The following PCSK6 variants were observed in gnomAD, a reference collection of about 807,000 sequenced individuals.
PCSK6 encodes the protein proprotein convertase subtilisin/kexin type 6, also known as paired basic amino acid cleaving enzyme 4.
In PCSK6, 85 loss-of-function variants were observed where a neutral mutation model predicts 123.3. The ratio of observed to expected loss-of-function variants is 0.69; its 90% CI spans 0.58 to 0.83. PCSK6 has a LOEUF of 0.83. Among genes scored for constraint, PCSK6 ranks in the 40% least tolerant of loss-of-function variants. The pLI is 0.00. For synonymous variants in PCSK6, 508 were observed against 516.0 expected, an observed-to-expected ratio of 0.98 and a Z score of 0.21; for missense variants, 1,191 against 1,282.3, an observed-to-expected ratio of 0.93 and a Z score of 1.09.
At position 101,318,311 on chromosome 15, in the gene PCSK6, G is replaced by A. The variant is rs758772004; in HGVS notation, c.2569+8C>T. 8 of 1,549,390 alleles carry A rather than the reference G, an allele frequency of 5.2e-6. No homozygotes were observed. In the Admixed American group the frequency reaches 1.2e-4, roughly 23 times the overall value. On this transcript the variant is annotated splice_region_variant and intron_variant, in intron 19 of 21. Coordinates refer to ENST00000611716, the MANE Select transcript of PCSK6 (RefSeq NM_002570.5). ...CTGGCCCGAGGCCTCCGCAGGCGGT[G>A]AACTCACCCACGCAGGTTCCGCAGG...
At position 101,489,638 on chromosome 15, in the gene PCSK6, G is replaced by A; in HGVS notation, c.33C>T (p.Pro11=). The part of the protein sequence containing the change: MPPRAPPAPG[P]RPPPRAAAAT... The stretch of plus-strand genomic sequence containing the variant: ...CGGCGGCGGCCCGGGGCGGCGGCCG[G>A]GGCCCGGGCGCAGGCGGCGCGCGCG... Residue 11 remains proline (P), a synonymous_variant, in exon 1 of 22, where the codon CCC becomes CCT. Transcript: ENST00000611716. 6 of 977,050 alleles carry A rather than the reference G, an allele frequency of 6.1e-6. No homozygotes were observed. The highest frequency in any genetic ancestry group is 7.3e-6 in the Non-Finnish European group (6 of 826,196). 60.5% of individuals were successfully genotyped at this position (977,050 alleles called of 1,614,324 possible). A position where few individuals can be genotyped will look rare whatever the true frequency, so the allele number is the denominator to read the frequency against.
intron 6 of PCSK6, among the ~76,000 whole-genome samples, chr15:101,420,911 C>T (rs2056063633): frequency 6.6e-6 from 1 of 152,186 alleles, no homozygotes; most frequent in South Asian, 2.1e-4. Context: ...CTGAAGGCAA[C>T]ACACCTAGGG....
intron 2 of PCSK6, among the ~76,000 whole-genome samples, chr15:101,440,261 A>ATC (rs1324911737): frequency 6.6e-6 from 1 of 152,246 alleles, no homozygotes; most frequent in Non-Finnish European, 1.5e-5. Context: ...TAACAAAGCA[A>ATC]TCTGAGCAAA....
intron 16 of PCSK6, 57 bp from the exon 17 acceptor site, chr15:101,325,103 C>T (rs2040221085): frequency 1.5e-6 from 2 of 1,331,554 alleles, no homozygotes; most frequent in East Asian, 2.4e-5. Flanking sequence ...CAGCCCCAGG[C>T]CTGCCCCTTT....
intron 11 of PCSK6, 43 bp from the exon 12 acceptor site, chr15:101,370,566 G>A: frequency 7.1e-7 from 1 of 1,401,566 alleles, no homozygotes; most frequent in South Asian, 1.6e-5. Context: ...CCGGAAGCAT[G>A]AAGTCTCACC....
At chr15:101,322,954 G>A (rs1485077141) in intron 17 of PCSK6, among the ~76,000 whole-genome samples, 1 of 152,216 alleles carries the variant, frequency 6.6e-6, no homozygotes, top group Non-Finnish European at 1.5e-5. Context: ...GGCAGGTGGG[G>A]GGTGGAGAGC....
chr15:101,397,409 C>A (rs2042444585), intron 7 of PCSK6, among the ~76,000 whole-genome samples: 1 of 152,142 alleles, frequency 6.6e-6, no homozygotes, highest in African/African-American at 2.4e-5. Flanking sequence ...ACACTGCAAT[C>A]ACTATGCATG....
intron 19 of PCSK6, among the ~76,000 whole-genome samples, chr15:101,316,920 T>TTTTC: frequency 6.8e-6 from 1 of 147,768 alleles, no homozygotes; most frequent in African/African-American, 2.6e-5. Flanking sequence ...GTTTTTTTTT[T>TTTTC]TTTTTTTTTG....
intron 1 of PCSK6, among the ~76,000 whole-genome samples, chr15:101,489,089 T>C (rs901047940): frequency 6.8e-6 from 1 of 146,898 alleles, no homozygotes; most frequent in Non-Finnish European, 1.5e-5. Context: ...GAGCGCGGGG[T>C]TGGGCGGCAC....
chr15:101,458,027 C>A (rs1480753322), intron 1 of PCSK6, among the ~76,000 whole-genome samples: 1 of 152,182 alleles, frequency 6.6e-6, no homozygotes, highest in East Asian at 1.9e-4. Context: ...CGTGGTACGT[C>A]CCTCCAGAGG....
At chr15:101,472,850 A>AG (rs2057639070) in intron 1 of PCSK6, among the ~76,000 whole-genome samples, 1 of 152,242 alleles carries the variant, frequency 6.6e-6, no homozygotes, top group Admixed American at 6.5e-5. Flanking sequence ...AAATACATCC[A>AG]GGGCTCTTTA....
At chr15:101,392,328 C>G (rs767161170) in intron 8 of PCSK6, among the ~76,000 whole-genome samples, 1 of 152,224 alleles carries the variant, frequency 6.6e-6, no homozygotes, top group Admixed American at 6.5e-5. Flanking sequence ...GGCGACAGAA[C>G]GATGGCAGCT....
At chr15:101,443,124 A>G (rs577807187) in intron 2 of PCSK6, among the ~76,000 whole-genome samples, 1 of 152,340 alleles carries the variant, frequency 6.6e-6, no homozygotes, top group East Asian at 1.9e-4. Context: ...TTCAAATCGC[A>G]TTTGTTTTAA....
At chr15:101,424,191 T>C (rs531244032) in intron 6 of PCSK6, among the ~76,000 whole-genome samples, 1 of 150,486 alleles carries the variant, frequency 6.6e-6, no homozygotes, top group African/African-American at 2.4e-5. Context: ...GCTATGATTA[T>C]GCCACTGCAC....
At chr15:101,346,663 C>T in intron 13 of PCSK6, 2 of 931,780 alleles carry the variant, frequency 2.1e-6, no homozygotes, top group Non-Finnish European at 2.8e-6. Flanking sequence ...TACCTCATTC[C>T]TAAAACTGAG....
Position 101,305,256 on chromosome 15 carries a change from C to T in PCSK6, c.*2G>A. 6.2e-7 allele frequency: 1 copy of T among 1,608,998 alleles called. No individual in the cohort carries two copies. Among genetic ancestry groups the T allele is most frequent in the Non-Finnish European group, 8.5e-7 (1 of 1,178,680 alleles). ...CTGCCCTCTGTGGGCAGCTAGGCAC[C>T]CTTACCCGGCCAGGAGGCACGTGCG... On this transcript the variant is annotated 3_prime_UTR_variant, in exon 22 of 22. Transcript: ENST00000611716. The surrounding 1 kb of genome is among the most constrained non-coding windows in gnomAD (Gnocchi z 4.8).
At chr15:101,307,083 C>T (rs1012440289) in intron 21 of PCSK6, 130 bp downstream of exon 21, 13 of 658,690 alleles carry the variant, frequency 2.0e-5, no homozygotes, top group East Asian at 2.7e-5. Context: ...GACAGTCAAT[C>T]GGATCAGGGG....
intron 18 of PCSK6, 37 bp downstream of exon 18, chr15:101,322,483 C>T (rs1288596157): frequency 7.1e-7 from 1 of 1,413,042 alleles, no homozygotes. Context: ...AGCAGCGCCA[C>T]CGCCCTGACA....
chr15:101,329,918 G>A (rs2040338831), intron 15 of PCSK6, among the ~76,000 whole-genome samples: 3 of 152,268 alleles, frequency 2.0e-5, no homozygotes, highest in Admixed American at 6.5e-5. Flanking sequence ...CTAAGCCCAC[G>A]GTGCCTGCAG....
Sources: gnomAD v4.1 joint callset for allele counts (sites outside exome capture counted in the v4.1 genomes callset) on GRCh38, gnomAD v4.1.1 for gene constraint, Gnocchi (gnomAD v3.1) non-coding constraint, MANE v1.5 for transcripts, NCBI Gene and HGNC (gene_info 2026-07-23, HGNC 2026-07-21) for gene names.